HK2: variants seen among roughly 807,000 people sequenced by gnomAD.
The protein encoded by HK2 is hexokinase 2.
HK2 carries 42 observed loss-of-function variants against 92.9 expected under a neutral mutation model. That is an observed-to-expected ratio of 0.45 (90% CI 0.35 to 0.58). The LOEUF is 0.58. Among genes scored for constraint, HK2 ranks in the 20% least tolerant of loss-of-function variants. The pLI, the probability that HK2 is intolerant of heterozygous loss-of-function variation, is 0.00. For synonymous variants in HK2, 422 were observed against 468.0 expected (o/e 0.90, Z 1.27); for missense variants, 978 against 1,245.1 (o/e 0.79, Z 3.23).
At position 74,867,970 on chromosome 2, in the gene HK2, CA is replaced by C. The variant is rs1689000042; in HGVS notation, c.375+188del. 6.0e-6 allele frequency: 4 copies of C among 670,072 alleles called. No individual in the cohort carries two copies. In the Admixed American group the frequency reaches 6.3e-5, roughly 11 times the overall value. 41.5% of individuals were successfully genotyped at this position (670,072 alleles called of 1,614,324 possible). On this transcript the variant is annotated intron_variant, in intron 3 of 17. Transcript: ENST00000290573. ...GGCTGTTCTGGTTGTATTTTATACC[CA>C]ACATGTACTCAGTATTAAAAGGAGT...
chr2:74,882,745 A>G (rs1689435080), intron 12 of HK2, among the ~76,000 whole-genome samples: 1 of 151,758 alleles, frequency 6.6e-6, no homozygotes, highest in South Asian at 2.1e-4. Context: ...AGAAAGGAAG[A>G]TAAGCCCCAC....
At chr2:74,874,239 G>A (rs762025420) in intron 6 of HK2, 27 bp from the exon 7 acceptor site, 30 of 1,613,786 alleles carry the variant, frequency 1.9e-5, no homozygotes, top group Middle Eastern at 1.7e-4. Context: ...GAGCAGGCGT[G>A]TGCATAGCCG....
chr2:74,886,669 C>T lies in HK2; in HGVS notation c.2215C>T (p.Gln739Ter), dbSNP rs1429524191. ...VDELSLNPGK[Q>*]RFEKMISGMY... ...TGAGCTTTCACTCAACCCCGGCAAG[C>T]AGAGGTAGGCACCCAACTGGGGCCC... The change falls in exon 15 of 18, where the codon CAG (glutamine) becomes TAG (stop). Residue 739 changes from glutamine (Q) to a stop codon, truncating the protein, a stop_gained. Transcript: ENST00000290573. LOFTEE classifies it high-confidence loss of function. The T allele has an allele frequency of 6.2e-7, 1 of 1,613,752 alleles. No individual in the cohort carries two copies. Among genetic ancestry groups the T allele is most frequent in the Non-Finnish European group, 8.5e-7 (1 of 1,179,986 alleles).
Position 74,885,880 on chromosome 2 carries a change from ACACAC to A in HK2, c.1935+292_1935+296del, listed in dbSNP as rs1558805565. Among the ~76,000 whole-genome samples the A allele has an allele frequency of 1.6e-3, 245 of 151,730 alleles. 1 individual carries two copies. Among genetic ancestry groups the A allele is most frequent in the African/African-American group, 5.7e-3 (234 of 41,174 alleles). On this transcript the variant is annotated intron_variant, in intron 13 of 17. Transcript: ENST00000290573. ...CACACACACACACACACACACACACACACACAGTAAAGGAATAAAAGAATGGCCAC... is the reference window on the plus strand; with the variant it reads ...CACACACACACACACACACACACACAAGTAAAGGAATAAAAGAATGGCCAC...
intron 2 of HK2, among the ~76,000 whole-genome samples, chr2:74,864,160 T>C (rs1188709901): frequency 6.6e-6 from 1 of 152,210 alleles, no homozygotes; most frequent in Non-Finnish European, 1.5e-5. Context: ...AGCTGCTTCC[T>C]TGTGCTATCC....
At chr2:74,850,543 C>T (rs1325178124) in intron 1 of HK2, among the ~76,000 whole-genome samples, 1 of 152,146 alleles carries the variant, frequency 6.6e-6, no homozygotes, top group Non-Finnish European at 1.5e-5. Flanking sequence ...AAGGGCCTTT[C>T]CTTTCTATGG....
intron 1 of HK2, among the ~76,000 whole-genome samples, chr2:74,849,916 C>T (rs1265889728): frequency 6.6e-6 from 1 of 152,194 alleles, no homozygotes; most frequent in African/African-American, 2.4e-5. Context: ...AGCTACAAAT[C>T]AAGGGTTGAC....
Position 74,848,709 on chromosome 2 carries a change from T to G in HK2, c.64-5584T>G, listed in dbSNP as rs777408320. Among the ~76,000 whole-genome samples the G allele has an allele frequency of 1.5e-3, 222 of 152,214 alleles. 4 individuals carry two copies. The highest frequency in any genetic ancestry group is 3.2e-4 in the Non-Finnish European group (22 of 68,028). ...GATCTGTAGTACTTCATATAAAAAC[T>G]GTCAAAATTGGAATATTGCTGTCTT... On this transcript the variant is annotated intron_variant, in intron 1 of 17. Transcript: ENST00000290573.
chr2:74,861,371 G>C (rs1688821166), intron 2 of HK2, among the ~76,000 whole-genome samples: 1 of 150,948 alleles, frequency 6.6e-6, no homozygotes, highest in South Asian at 2.1e-4. Context: ...AGTGAGCTGA[G>C]ATCATGCTGC....
At chr2:74,864,987 C>T (rs1688912660) in intron 2 of HK2, among the ~76,000 whole-genome samples, 1 of 151,384 alleles carries the variant, frequency 6.6e-6, no homozygotes, top group East Asian at 1.9e-4. Context: ...AAAATGAGGC[C>T]TGCCTACCTG....
intron 3 of HK2, among the ~76,000 whole-genome samples, chr2:74,871,129 A>G (rs1689088249): frequency 6.6e-6 from 1 of 152,166 alleles, no homozygotes; most frequent in Non-Finnish European, 1.5e-5. Flanking sequence ...AAGGCTTGCT[A>G]ACAGATGGCT....
intron 3 of HK2, among the ~76,000 whole-genome samples, chr2:74,870,428 C>T (rs140323837): frequency 1.2e-3 from 174 of 147,836 alleles, no homozygotes; most frequent in African/African-American, 4.3e-3. Context: ...ATGTTAGGAG[C>T]GCAACTGGAA....
intron 2 of HK2, among the ~76,000 whole-genome samples, chr2:74,855,474 A>AC (rs1396169379): frequency 2.0e-5 from 3 of 152,174 alleles, no homozygotes; most frequent in African/African-American, 7.2e-5. Context: ...TTGACCTCGT[A>AC]CCCGCCCACC....
chr2:74,870,883 A>G (rs1689081758), intron 3 of HK2, among the ~76,000 whole-genome samples: 1 of 152,180 alleles, frequency 6.6e-6, no homozygotes, highest in Non-Finnish European at 1.5e-5. Flanking sequence ...ATGGGATCAG[A>G]CAGAGGGACA....
At chr2:74,848,923 C>G (rs1334328745) in intron 1 of HK2, among the ~76,000 whole-genome samples, 2 of 152,150 alleles carry the variant, frequency 1.3e-5, no homozygotes, top group Non-Finnish European at 2.9e-5. Flanking sequence ...TGACCTGGGT[C>G]GAGGCTGCTC....
chr2:74,877,057 A>G (rs1017223939), intron 7 of HK2, 109 bp from the exon 8 acceptor site: 1 of 1,447,716 alleles, frequency 6.9e-7, no homozygotes, highest in Non-Finnish European at 9.6e-7. Context: ...TGCTGCACAC[A>G]TTAACCCTTA....
Position 74,890,980 on chromosome 2 carries a change from T to C in HK2, c.*39T>C, listed in dbSNP as rs534532236. On this transcript the variant is annotated 3_prime_UTR_variant, in exon 18 of 18. Transcript: ENST00000290573. ...GGAAGGGACTTCCTCTTTCTCTCCT[T>C]CTTCCCTGTTTTAAATTATAAGATG... 97 of 1,609,174 alleles carry C rather than the reference T, an allele frequency of 6.0e-5. 1 individual carries two copies. In the South Asian group the frequency reaches 1.0e-3, roughly 17 times the overall value.
At chr2:74,890,742 C>G in intron 17 of HK2, 55 bp from the exon 18 acceptor site, 1 of 1,605,132 alleles carries the variant, frequency 6.2e-7, no homozygotes, top group South Asian at 1.1e-5. Context: ...AGTGCAAATA[C>G]AAACCAATCA....
Position 74,834,964 on chromosome 2 carries a change from G to A in HK2, c.63+321G>A, listed in dbSNP as rs1029828907. On this transcript the variant is annotated intron_variant, in intron 1 of 17. Coordinates refer to ENST00000290573, the MANE Select transcript of HK2 (RefSeq NM_000189.5). This position sits in a 1 kb window ranked among gnomAD's most constrained non-coding sequence, Gnocchi z 4.2. ...GCGGGTCACCCCGCAGGTAGTCAGG[G>A]ATTGCTGCGCCCACGTGGGAGGGAG... Among the ~76,000 whole-genome samples, 1 of 152,202 alleles carries A rather than the reference G, an allele frequency of 6.6e-6. No individual in the cohort carries two copies. The highest frequency in any genetic ancestry group is 1.5e-5 in the Non-Finnish European group (1 of 68,042).
Sources: gnomAD v4.1 joint callset for allele counts (sites outside exome capture counted in the v4.1 genomes callset) on GRCh38, gnomAD v4.1.1 for gene constraint, Gnocchi (gnomAD v3.1) non-coding constraint, MANE v1.5 for transcripts, NCBI Gene and HGNC (gene_info 2026-07-23, HGNC 2026-07-21) for gene names.